The following ASAP3 variants were observed in gnomAD, a reference collection of about 807,000 sequenced individuals.
The protein encoded by ASAP3 is arf-GAP with SH3 domain, ANK repeat and PH domain-containing protein 3.
Under a neutral mutation model 118.2 loss-of-function variants are expected in ASAP3, and 85 were observed. That is an observed-to-expected ratio of 0.72 (90% confidence interval 0.60 to 0.86). The LOEUF (loss-of-function observed/expected upper bound fraction) is 0.86, where lower values mean the gene tolerates loss of function less well. ASAP3 is among the 40% of genes least tolerant of loss of function. The pLI is 0.00. For synonymous variants in ASAP3, 432 were observed against 477.4 expected, an observed-to-expected ratio of 0.90 and a Z score of 1.24; for missense variants, 1,026 against 1,175.0, an observed-to-expected ratio of 0.87 and a Z score of 1.85.
rs535284491 is a variant in ASAP3 at position 23,455,139 on chromosome 1, C to G, written c.348+742G>C. 2.0e-5 allele frequency among the ~76,000 whole-genome samples: 3 copies of G among 152,272 alleles called. No homozygotes were observed. In the South Asian group the frequency reaches 6.2e-4, roughly 32 times the overall value. On this transcript the variant is annotated intron_variant, in intron 3 of 24. Transcript: ENST00000336689. ...CAGACAACCTGGGTTCAAACCGAAC[C>G]GTGTGACCTCGGGCAAGCTGCTTAA... is the stretch of plus-strand genomic sequence containing the variant.
At chr1:23,474,623 A>T (rs1239524031) in intron 1 of ASAP3, among the ~76,000 whole-genome samples, 1 of 150,492 alleles carries the variant, frequency 6.6e-6, no homozygotes, top group African/African-American at 2.5e-5. Context: ...TTGCCCTTTC[A>T]CCCAGGCTGG....
rs538507758 is a variant in ASAP3 at position 23,438,911 on chromosome 1, T to A, written c.1015-77A>T. ...TTCTTTAGGCCTCCATTTCCCACTCTGTTAAATGGGCATAATCATCCTGTT... is the reference window on the plus strand; with the variant it reads ...TTCTTTAGGCCTCCATTTCCCACTCAGTTAAATGGGCATAATCATCCTGTT... On this transcript the variant is annotated intron_variant, in intron 11 of 24. Coordinates refer to ENST00000336689, the MANE Select transcript of ASAP3 (RefSeq NM_017707.4). This position sits in a 1 kb window ranked among gnomAD's most constrained non-coding sequence, Gnocchi z 4.9. 3,999 of 1,425,076 alleles carry A rather than the reference T, an allele frequency of 2.8e-3. 7 individuals are homozygous for A. Among genetic ancestry groups the A allele is most frequent in the Non-Finnish European group, 3.6e-3 (3,650 of 1,012,766 alleles). 88.3% of individuals were successfully genotyped at this position (1,425,076 alleles called of 1,614,324 possible).
chr1:23,434,191 CG>C, intron 19 of ASAP3, 62 bp downstream of exon 19: 1 of 1,515,394 alleles, frequency 6.6e-7, no homozygotes, highest in Non-Finnish European at 9.2e-7. Flanking sequence ...CCGAGACCAT[CG>C]GAAGTCCACA....
intron 6 of ASAP3, 88 bp from the exon 7 acceptor site, chr1:23,442,359 C>T (rs1640903530): frequency 6.4e-7 from 1 of 1,566,424 alleles, no homozygotes; most frequent in Non-Finnish European, 8.7e-7. Flanking sequence ...CAGGCTAATC[C>T]TCCTGGCTGC....
chr1:23,439,490 G>A (rs1286253952), intron 10 of ASAP3, among the ~76,000 whole-genome samples: 1 of 152,158 alleles, frequency 6.6e-6, no homozygotes, highest in Non-Finnish European at 1.5e-5. Flanking sequence ...CTTATTCTAA[G>A]GGGATGATGT....
chr1:23,429,917 TCAGTGATG>T lies in ASAP3; in HGVS notation c.2643_2650del (p.Ile882ArgfsTer31). ...ACTCCCAGTCCTTGAGCCATCTCCTTCAGTGATGCCAACCTGCAGAAAGAAGGATGAAA... is the reference window on the plus strand; with the variant it reads ...ACTCCCAGTCCTTGAGCCATCTCCTTCCAACCTGCAGAAAGAAGGATGAAA... On this transcript the variant is annotated frameshift_variant, in exon 25 of 25. Coordinates refer to ENST00000336689, the MANE Select transcript of ASAP3 (RefSeq NM_017707.4). LOFTEE classifies it high-confidence loss of function. 1 of 1,613,926 alleles carries T rather than the reference TCAGTGATG, an allele frequency of 6.2e-7. No homozygotes were observed. Among genetic ancestry groups the T allele is most frequent in the South Asian group, 1.1e-5 (1 of 91,004 alleles).
At position 23,436,068 on chromosome 1, in the gene ASAP3, G is replaced by A; in HGVS notation, c.1572-40C>T. On this transcript the variant is annotated intron_variant, in intron 16 of 24. Transcript: ENST00000336689. This position sits in a 1 kb window ranked among gnomAD's most constrained non-coding sequence, Gnocchi z 4.2. ...CACAGGATCTCAGAGCATGGACCGTGTCTGCCCAGCTGATCCCTGGGGCCC... is the reference window on the plus strand; with the variant it reads ...CACAGGATCTCAGAGCATGGACCGTATCTGCCCAGCTGATCCCTGGGGCCC... 1.2e-6 allele frequency: 2 copies of A among 1,607,158 alleles called. No individual in the cohort carries two copies. Among genetic ancestry groups the A allele is most frequent in the Non-Finnish European group, 1.7e-6 (2 of 1,174,134 alleles).
At chr1:23,470,698 G>A (rs746253270) in intron 1 of ASAP3, among the ~76,000 whole-genome samples, 5 of 152,110 alleles carry the variant, frequency 3.3e-5, no homozygotes, top group African/African-American at 9.7e-5. Context: ...GTGACTGGCC[G>A]TGCGCCCCTT....
intron 1 of ASAP3, among the ~76,000 whole-genome samples, chr1:23,462,834 C>T (rs908876517): frequency 1.3e-5 from 2 of 152,146 alleles, no homozygotes; most frequent in African/African-American, 4.8e-5. Flanking sequence ...CCATTATAAG[C>T]AGACACTTAT....
rs549972144 is a variant in ASAP3 at position 23,480,874 on chromosome 1, T to C, written c.129+3131A>G. Among the ~76,000 whole-genome samples the C allele has an allele frequency of 3.3e-5, 5 of 152,324 alleles. No homozygotes were observed. The South Asian group carries it at 6.2e-4, about 19-fold the overall frequency. The stretch of plus-strand genomic sequence containing the variant: ...GGTTGACGTAATGACTATCTTAATA[T>C]ACTCCCTCACATTTGCATGGTGCTT... On this transcript the variant is annotated intron_variant, in intron 1 of 24. Coordinates refer to ENST00000336689, the MANE Select transcript of ASAP3 (RefSeq NM_017707.4).
chr1:23,476,427 T>C (rs1052597799), intron 1 of ASAP3, among the ~76,000 whole-genome samples: 1 of 151,714 alleles, frequency 6.6e-6, no homozygotes, highest in Non-Finnish European at 1.5e-5. Flanking sequence ...TCGACAAATC[T>C]TGACTGCTTA....
intron 19 of ASAP3, 67 bp from the exon 20 acceptor site, chr1:23,433,760 C>T (rs80255798): frequency 0.042 from 67,220 of 1,598,954 alleles, 1,636 homozygotes; most frequent in Middle Eastern, 0.1. Context: ...GAGATTAAGA[C>T]GGGCCTCTGG....
In ASAP3 at chr1:23,438,660, C is replaced by T. The variant is rs1640758525; in HGVS notation, c.1102+87G>A. 3 of 1,200,354 alleles carry T rather than the reference C, an allele frequency of 2.5e-6. No individual in the cohort carries two copies. Among genetic ancestry groups the T allele is most frequent in the South Asian group, 1.3e-5 (1 of 78,426 alleles). The allele number at this position is 1,200,354 out of a possible 1,614,324, so 74.4% of individuals were successfully genotyped here. On this transcript the variant is annotated intron_variant, in intron 12 of 24. Coordinates refer to ENST00000336689, the MANE Select transcript of ASAP3 (RefSeq NM_017707.4). The surrounding 1 kb of genome is among the most constrained non-coding windows in gnomAD (Gnocchi z 4.9). ...CCATGTGTGGAACTGGACACAGACC[C>T]CTCACTGAAGCCCCCCGGGAGCTGA...
chr1:23,466,498 C>T (rs996736636), intron 1 of ASAP3, among the ~76,000 whole-genome samples: 3 of 152,206 alleles, frequency 2.0e-5, no homozygotes, highest in African/African-American at 7.2e-5. Context: ...TGGCACTGCC[C>T]TTTGTGTCCC....
chr1:23,437,016 G>A lies in ASAP3; in HGVS notation c.1371C>T (p.Gly457=). 4.3e-6 allele frequency: 7 copies of A among 1,611,722 alleles called. No homozygotes were observed. The highest frequency in any genetic ancestry group is 5.1e-6 in the Non-Finnish European group (6 of 1,179,410). ...CCGAGCACTGGATGCAGGTGAGCAC[G>A]CCCAGGTTGGTGCTGAGCCACGTGG... ...ADPTWLSTNL[G]VLTCIQCSGV... Residue 457 remains glycine (G), a synonymous_variant, in exon 15 of 25, where the codon GGC becomes GGT. Coordinates refer to ENST00000336689, the MANE Select transcript of ASAP3 (RefSeq NM_017707.4). This position sits in a 1 kb window ranked among gnomAD's most constrained non-coding sequence, Gnocchi z 6.1.
At chr1:23,446,600 G>C (rs1392773961) in intron 5 of ASAP3, among the ~76,000 whole-genome samples, 1 of 152,028 alleles carries the variant, frequency 6.6e-6, no homozygotes, top group Non-Finnish European at 1.5e-5. Flanking sequence ...ACCACACCCA[G>C]CTAATTTTCG....
chr1:23,460,379 C>G (rs1296364154), intron 1 of ASAP3, among the ~76,000 whole-genome samples: 1 of 151,982 alleles, frequency 6.6e-6, no homozygotes, highest in East Asian at 1.9e-4. Context: ...TGGTGGCACA[C>G]CGCTGTAGTC....
At chr1:23,432,568 C>A (rs938150668) in intron 22 of ASAP3, among the ~76,000 whole-genome samples, 10 of 152,248 alleles carry the variant, frequency 6.6e-5, no homozygotes, top group African/African-American at 2.4e-4. Flanking sequence ...CAACCTCCCA[C>A]AACAAGTCTG....
chr1:23,474,529 CCTTCTTCGT>C (rs1642063610), intron 1 of ASAP3, among the ~76,000 whole-genome samples: 1 of 152,124 alleles, frequency 6.6e-6, no homozygotes, highest in African/African-American at 2.4e-5. Flanking sequence ...TGGGTCTGGG[CCTTCTTCGT>C]TCCTCTCTCT....
Sources: gnomAD v4.1 joint callset for allele counts (sites outside exome capture counted in the v4.1 genomes callset) on GRCh38, gnomAD v4.1.1 for gene constraint, Gnocchi (gnomAD v3.1) non-coding constraint, MANE v1.5 for transcripts, NCBI Gene and HGNC (gene_info 2026-07-23, HGNC 2026-07-21) for gene names.